Variants in ATP13A1 observed in about 807,000 individuals in gnomAD.
The protein encoded by ATP13A1 is endoplasmic reticulum transmembrane helix translocase.
A neutral mutation model predicts 134.8 loss-of-function variants in ATP13A1; 55 were observed. That is an observed-to-expected ratio of 0.41 (90% CI 0.33 to 0.51). The LOEUF is 0.51. ATP13A1 is among the 20% of genes least tolerant of loss of function. ATP13A1 has a pLI of 0.29. For missense variants in ATP13A1, 1,389 were observed against 1,652.8 expected (o/e 0.84, Z 2.77); for synonymous variants, 775 against 725.1 (o/e 1.07, Z -1.10).
chr19:19,662,280 T>C (rs1159075969), intron 1 of ATP13A1: 6 of 985,300 alleles, frequency 6.1e-6, no homozygotes, highest in East Asian at 1.1e-4. Flanking sequence ...TCCCCTGGGA[T>C]AGATAAGTCT....
chr19:19,657,992 T>C lies in ATP13A1; in HGVS notation c.678-584A>G, dbSNP rs578108354. On this transcript the variant is annotated intron_variant, in intron 3 of 25. Transcript: ENST00000357324. ...AGCAAGACCTTCTATTTACAAAAAA[T>C]TTAAAAATTAGCTGGGGGTGGTGGT... Among the ~76,000 whole-genome samples, 12 of 151,494 alleles carry C rather than the reference T, an allele frequency of 7.9e-5. No homozygotes were observed. The South Asian group carries it at 2.5e-3, about 32-fold the overall frequency.
At chr19:19,651,280 CT>C (rs968242606) in intron 17 of ATP13A1, 1 of 156,356 alleles carries the variant, frequency 6.4e-6, no homozygotes, top group Non-Finnish European at 1.4e-5. Flanking sequence ...CTGCCATCAA[CT>C]GTGGCTGAGG....
intron 22 of ATP13A1, 119 bp from the exon 23 acceptor site, chr19:19,646,466 A>C: frequency 2.5e-6 from 3 of 1,180,828 alleles, no homozygotes; most frequent in Non-Finnish European, 3.6e-6. Flanking sequence ...CCACCACCAA[A>C]TCCTGGGGGA....
In ATP13A1 at chr19:19,656,367, C is replaced by G. The variant is rs1175931277; in HGVS notation, c.1084-184G>C. On this transcript the variant is annotated intron_variant, in intron 7 of 25. Transcript: ENST00000357324. This position sits in a 1 kb window ranked among gnomAD's most constrained non-coding sequence, Gnocchi z 4.6. Reference sequence around the variant, plus strand: ...TCCTGTCTTCTCCCCATTGCACTCACAGTGCCTGCTCTCTGGGGCCTGCAC... The same window carrying G: ...TCCTGTCTTCTCCCCATTGCACTCAGAGTGCCTGCTCTCTGGGGCCTGCAC... 1.3e-5 allele frequency among the ~76,000 whole-genome samples: 2 copies of G among 152,194 alleles called. No homozygotes were observed. Among genetic ancestry groups the G allele is most frequent in the Non-Finnish European group, 2.9e-5 (2 of 68,022 alleles).
At chr19:19,659,394 T>C (rs955444084) in intron 3 of ATP13A1, among the ~76,000 whole-genome samples, 1 of 151,906 alleles carries the variant, frequency 6.6e-6, no homozygotes, top group African/African-American at 2.4e-5. Flanking sequence ...AGGCGGAGGT[T>C]GGGGTGAGCT....
intron 13 of ATP13A1, 81 bp downstream of exon 13, chr19:19,654,462 T>G: frequency 6.7e-7 from 1 of 1,482,674 alleles, no homozygotes; most frequent in Non-Finnish European, 9.0e-7. Flanking sequence ...CCCAAGATGC[T>G]CTGAGGGGTG....
At chr19:19,654,814 C>T in intron 12 of ATP13A1, 114 bp from the exon 13 acceptor site, 1 of 1,290,686 alleles carries the variant, frequency 7.7e-7, no homozygotes, top group Non-Finnish European at 1.1e-6. Context: ...ACTGGGGTGG[C>T]TTGGGCGCCA....
Position 19,655,855 on chromosome 19 carries a change from C to A in ATP13A1, c.1269+23G>T. On this transcript the variant is annotated intron_variant, in intron 9 of 25. Transcript: ENST00000357324. This position sits in a 1 kb window ranked among gnomAD's most constrained non-coding sequence, Gnocchi z 5.7. ...GCTGTCCAACTGCCCTGGGGCCCGC[C>A]CTCCCCAGACCTGGCCCCGCACCTG... The A allele has an allele frequency of 6.4e-7, 1 of 1,567,750 alleles. No homozygotes were observed. Among genetic ancestry groups the A allele is most frequent in the Non-Finnish European group, 8.6e-7 (1 of 1,162,428 alleles).
chr19:19,657,671 G>C (rs1000724517), intron 3 of ATP13A1, among the ~76,000 whole-genome samples: 2 of 152,208 alleles, frequency 1.3e-5, no homozygotes, highest in Non-Finnish European at 2.9e-5. Flanking sequence ...TCCTTAATCT[G>C]CAATATGCTC....
In ATP13A1 at chr19:19,663,548, G is replaced by C; in HGVS notation, c.119C>G (p.Pro40Arg). The C allele has an allele frequency of 2.0e-6, 3 of 1,516,554 alleles. No homozygotes were observed. The highest frequency in any genetic ancestry group is 2.6e-6 in the Non-Finnish European group (3 of 1,140,412). The allele number at this position is 1,516,554 out of a possible 1,614,324, so 93.9% of individuals were successfully genotyped here. A position where few individuals can be genotyped will look rare whatever the true frequency, so the allele number is the denominator to read the frequency against. ...CTCGTCACCGTTCGCTATGAGCGCC[G>C]GCCCGGCGGCAAGGAGCGCGCGCGG... ...PQPRALLAAG[P>R]ALIANGDELV... Residue 40 changes from proline (P) to arginine (R), a missense_variant, in exon 1 of 26, where the codon CCG becomes CGG. Pro to Arg is a moderately radical substitution (Grantham distance 103). Coordinates refer to ENST00000357324, the MANE Select transcript of ATP13A1 (RefSeq NM_020410.3).
At position 19,645,467 on chromosome 19, in the gene ATP13A1, G is replaced by A. The variant is rs1340689260; in HGVS notation, c.3570C>T (p.Val1190=). 2 of 1,608,064 alleles carry A rather than the reference G, an allele frequency of 1.2e-6. No homozygotes were observed. The highest frequency in any genetic ancestry group is 1.3e-5 in the African/African-American group (1 of 74,830). Residue 1190 remains valine (V), a synonymous_variant, in exon 26 of 26, where the codon GTC becomes GTT. Coordinates refer to ENST00000357324, the MANE Select transcript of ATP13A1 (RefSeq NM_020410.3). The surrounding 1 kb of genome is among the most constrained non-coding windows in gnomAD (Gnocchi z 4.1). ...DFCLALLADR[V]LQFFLGTPKL... ...TCGGGGTCCCCAGGAAGAACTGCAGGACGCGGTCGGCCAGGAGCGCCAGGC... is the reference window on the plus strand; with the variant it reads ...TCGGGGTCCCCAGGAAGAACTGCAGAACGCGGTCGGCCAGGAGCGCCAGGC...
intron 16 of ATP13A1, 134 bp downstream of exon 16, chr19:19,652,461 C>T (rs902023322): frequency 5.4e-5 from 71 of 1,324,900 alleles, no homozygotes; most frequent in Non-Finnish European, 7.0e-5. Context: ...ATGTTAGCAC[C>T]TGAGCTATGA....
chr19:19,663,144 C>T, intron 1 of ATP13A1, 127 bp downstream of exon 1: 1 of 1,346,616 alleles, frequency 7.4e-7, no homozygotes, highest in Non-Finnish European at 1.0e-6. Flanking sequence ...GTAGAGGGTG[C>T]CCCTGGGAAT....
chr19:19,652,889 C>A, intron 15 of ATP13A1, 169 bp from the exon 16 acceptor site: 1 of 962,424 alleles, frequency 1.0e-6, no homozygotes, highest in Non-Finnish European at 1.5e-6. Context: ...GGGTACCAGG[C>A]ACGCTTGAGG....
rs776746513 is a variant in ATP13A1, at chr19:19,645,764, G to A, written c.3387C>T (p.Pro1129=). ...GACTCCACACCAGGGGCTTGTTCTC[G>A]GGCAGGCTCTCCATGAAGGGCGGGC... ...YKGPPFMESL[P]ENKPLVWSLA... is the part of the protein sequence containing the mutation. The change falls in exon 25 of 26, where the codon CCC becomes CCT. Residue 1129 remains proline (P), a synonymous_variant. Coordinates refer to ENST00000357324, the MANE Select transcript of ATP13A1 (RefSeq NM_020410.3). This position sits in a 1 kb window ranked among gnomAD's most constrained non-coding sequence, Gnocchi z 4.1. The A allele has an allele frequency of 1.1e-5, 18 of 1,610,412 alleles. No individual in the cohort carries two copies. Among genetic ancestry groups the A allele is most frequent in the Admixed American group, 1.7e-5 (1 of 59,272 alleles).
chr19:19,663,350 G>A lies in ATP13A1; in HGVS notation c.317C>T (p.Thr106Ile), dbSNP rs1236079689. 6 of 1,593,574 alleles carry A rather than the reference G, an allele frequency of 3.8e-6. No homozygotes were observed. The highest frequency in any genetic ancestry group is 3.4e-5 in the South Asian group (3 of 88,124). The change falls in exon 1 of 26, where the codon ACC (threonine) becomes ATC (isoleucine). Residue 106 changes from threonine (T) to isoleucine (I), a missense_variant. By Grantham distance (89) the Thr-to-Ile change is moderately conservative. Transcript: ENST00000357324. ...IPEAALLVLA[T>I]ICLAHALTVL... Reference sequence around the variant, plus strand: ...AGTGAGCGCGTGCGCGAGGCAGATGGTGGCAAGCACGAGCAGCGCAGCTTC... The same window carrying A: ...AGTGAGCGCGTGCGCGAGGCAGATGATGGCAAGCACGAGCAGCGCAGCTTC...
Position 19,655,268 on chromosome 19 carries a change from T to C in ATP13A1, c.1535-29A>G. The C allele has an allele frequency of 6.2e-7, 1 of 1,613,954 alleles. No individual in the cohort carries two copies. The highest frequency in any genetic ancestry group is 8.5e-7 in the Non-Finnish European group (1 of 1,179,870). ...GGGGCGGGAGTGAGGTCAGGGGTCC[T>C]GCTTGGCCCCAGCCCACTCGGCACC... On this transcript the variant is annotated intron_variant, in intron 11 of 25. Transcript: ENST00000357324. The surrounding 1 kb of genome is among the most constrained non-coding windows in gnomAD (Gnocchi z 5.7).
rs1568426111 is a variant in ATP13A1 at position 19,649,802 on chromosome 19, T to C, written c.2474A>G (p.Gln825Arg). Residue 825 changes from glutamine to arginine, a missense_variant, in exon 18 of 26, where the codon CAG becomes CGG. By Grantham distance (43) the Gln-to-Arg change is conservative. Around this residue, in one of 4 missense-constraint regions of ATP13A1, gnomAD observed 747 missense variants for 956.1 expected, o/e 0.78. Coordinates refer to ENST00000357324, the MANE Select transcript of ATP13A1 (RefSeq NM_020410.3). ...ATGGGGGATGAGGCGGAGCAGCTGC[T>C]GGGGGTCGGTGGCCTGCAGGTGGGC... ...GLAHLQATDP[Q>R]QLLRLIPHVQ... 3.7e-6 allele frequency: 6 copies of C among 1,601,518 alleles called. No individual in the cohort carries two copies. The South Asian group carries it at 6.6e-5, about 18-fold the overall frequency.
chr19:19,655,841 G>T lies in ATP13A1; in HGVS notation c.1269+37C>A. 1 of 1,555,944 alleles carries T rather than the reference G, an allele frequency of 6.4e-7. No homozygotes were observed. ...GGGCTGATACCTTGGCTGTCCAACT[G>T]CCCTGGGGCCCGCCCTCCCCAGACC... On this transcript the variant is annotated intron_variant, in intron 9 of 25. Coordinates refer to ENST00000357324, the MANE Select transcript of ATP13A1 (RefSeq NM_020410.3). This position sits in a 1 kb window ranked among gnomAD's most constrained non-coding sequence, Gnocchi z 5.7.
Sources: gnomAD v4.1 joint callset for allele counts (sites outside exome capture counted in the v4.1 genomes callset) on GRCh38, gnomAD v4.1.1 for gene constraint, gnomAD v4.1.1 regional missense constraint, Gnocchi (gnomAD v3.1) non-coding constraint, MANE v1.5 for transcripts, NCBI Gene and HGNC (gene_info 2026-07-23, HGNC 2026-07-21) for gene names.